NALF1: variants seen among roughly 807,000 people sequenced by gnomAD.
The protein encoded by NALF1 is NALCN channel auxiliary factor 1.
Under a neutral mutation model 48.4 loss-of-function variants are expected in NALF1, and 3 were observed. The observed-to-expected ratio is 0.06, with a 90% CI of 0.03 to 0.16. The LOEUF is 0.16. NALF1 is among the 10% of genes least tolerant of loss of function. The pLI is 1.00. For missense variants in NALF1, 526 were observed against 571.5 expected, an observed-to-expected ratio of 0.92 and a Z score of 0.81; for synonymous variants, 262 against 245.7, an observed-to-expected ratio of 1.07 and a Z score of -0.62.
chr13:107,245,653 T>C (rs1217949317), intron 1 of NALF1, among the ~76,000 whole-genome samples: 1 of 152,248 alleles, frequency 6.6e-6, no homozygotes, highest in South Asian at 2.1e-4. Flanking sequence ...GAAAAAATCA[T>C]ATCGATTAAA....
rs111719535 is a variant in NALF1 at position 107,685,563 on chromosome 13, T to G, written c.915+180119A>C. ...TTAAAAGATTATATAGAAAAACATA[T>G]GTTGGAATTCAAGCACAGAATGCTA... On this transcript the variant is annotated intron_variant, in intron 1 of 2. Transcript: ENST00000375915. Among the ~76,000 whole-genome samples the G allele has an allele frequency of 8.7e-4, 132 of 152,238 alleles. No individual in the cohort carries two copies. In the East Asian group the frequency reaches 0.022, roughly 26 times the overall value.
chr13:107,280,236 T>C (rs1182490680), intron 1 of NALF1, among the ~76,000 whole-genome samples: 1 of 152,204 alleles, frequency 6.6e-6, no homozygotes, highest in Non-Finnish European at 1.5e-5. Context: ...CTTTACTCCA[T>C]AGGGTCCAAC....
chr13:107,419,963 G>C (rs967707668), intron 1 of NALF1, among the ~76,000 whole-genome samples: 3 of 152,142 alleles, frequency 2.0e-5, no homozygotes, highest in Non-Finnish European at 4.4e-5. Context: ...TGAAGACCAA[G>C]CTCGATGGTA....
At chr13:107,456,323 C>T (rs1884824424) in intron 1 of NALF1, among the ~76,000 whole-genome samples, 1 of 152,156 alleles carries the variant, frequency 6.6e-6, no homozygotes, top group African/African-American at 2.4e-5. Context: ...CACAATGCTA[C>T]CTAGATTTAT....
intron 1 of NALF1, among the ~76,000 whole-genome samples, chr13:107,817,147 A>G (rs1879192386): frequency 6.6e-6 from 1 of 152,236 alleles, no homozygotes; most frequent in African/African-American, 2.4e-5. Flanking sequence ...ATGAAAATAG[A>G]AGTAGGTGAG....
chr13:107,183,891 T>C (rs181206086), intron 2 of NALF1, among the ~76,000 whole-genome samples: 2 of 152,246 alleles, frequency 1.3e-5, no homozygotes, highest in African/African-American at 4.8e-5. Context: ...ATACCTAATG[T>C]AGATGACGTT....
At chr13:107,527,114 T>C (rs1219482114) in intron 1 of NALF1, among the ~76,000 whole-genome samples, 1 of 152,144 alleles carries the variant, frequency 6.6e-6, no homozygotes, top group Non-Finnish European at 1.5e-5. Flanking sequence ...GTTTTTTCTA[T>C]TGCCTTAAGT....
chr13:107,245,013 T>A (rs188577229), intron 1 of NALF1, among the ~76,000 whole-genome samples: 22 of 152,298 alleles, frequency 1.4e-4, no homozygotes, highest in Middle Eastern at 6.8e-3. Flanking sequence ...ATTTTTCAAT[T>A]TAACACTAAC....
chr13:107,606,050 CATTTATAT>C (rs1412328811), intron 1 of NALF1, among the ~76,000 whole-genome samples: 9 of 152,286 alleles, frequency 5.9e-5, no homozygotes, highest in Middle Eastern at 3.4e-3. Flanking sequence ...CACAAGTCTT[CATTTATAT>C]ATACAGTGCA....
At chr13:107,476,468 C>T (rs994234736) in intron 1 of NALF1, among the ~76,000 whole-genome samples, 2 of 151,906 alleles carry the variant, frequency 1.3e-5, no homozygotes, top group African/African-American at 4.8e-5. Flanking sequence ...TGTATATAAT[C>T]CTGCCTTTAA....
chr13:107,614,116 T>C (rs1165446174), intron 1 of NALF1, among the ~76,000 whole-genome samples: 3 of 152,222 alleles, frequency 2.0e-5, no homozygotes, highest in Non-Finnish European at 4.4e-5. Context: ...CGCCAGATGT[T>C]AGATGACTTT....
intron 1 of NALF1, among the ~76,000 whole-genome samples, chr13:107,805,668 G>A (rs567437032): frequency 1.3e-5 from 2 of 152,246 alleles, no homozygotes; most frequent in African/African-American, 4.8e-5. Flanking sequence ...TGAGAAATGG[G>A]ATGCTTTATT....
chr13:107,525,070 G>A (rs757070426), intron 1 of NALF1, among the ~76,000 whole-genome samples: 9 of 151,904 alleles, frequency 5.9e-5, no homozygotes, highest in South Asian at 2.1e-4. Context: ...TAGAAAATCC[G>A]GCAAATCTCA....
intron 1 of NALF1, among the ~76,000 whole-genome samples, chr13:107,472,261 G>A (rs182839131): frequency 0.012 from 1,811 of 152,260 alleles, 20 homozygotes; most frequent in South Asian, 0.034. Flanking sequence ...CCTGGGAGGT[G>A]GAGGTTGCAG....
intron 1 of NALF1, among the ~76,000 whole-genome samples, chr13:107,439,547 G>T (rs949571404): frequency 1.3e-5 from 2 of 152,140 alleles, no homozygotes; most frequent in Non-Finnish European, 2.9e-5. Context: ...AAGAAAAAAA[G>T]CCTTATCTAC....
intron 1 of NALF1, among the ~76,000 whole-genome samples, chr13:107,783,158 T>G (rs1412323709): frequency 9.5e-6 from 1 of 105,494 alleles, no homozygotes; most frequent in Non-Finnish European, 2.0e-5. Flanking sequence ...GGAGCCCCTC[T>G]GCCCGGCCAG....
intron 1 of NALF1, among the ~76,000 whole-genome samples, chr13:107,291,429 G>C (rs934770229): frequency 6.6e-6 from 1 of 151,040 alleles, no homozygotes; most frequent in Admixed American, 6.6e-5. Context: ...AAGACACACA[G>C]TTTATTTAGC....
chr13:107,517,148 T>G (rs183920201), intron 1 of NALF1, among the ~76,000 whole-genome samples: 5 of 152,338 alleles, frequency 3.3e-5, no homozygotes, highest in Non-Finnish European at 7.3e-5. Context: ...TATTTTATGA[T>G]ATTTAGCTAA....
At chr13:107,305,282 G>A (rs1881913456) in intron 1 of NALF1, among the ~76,000 whole-genome samples, 1 of 152,088 alleles carries the variant, frequency 6.6e-6, no homozygotes, top group Non-Finnish European at 1.5e-5. Flanking sequence ...CACATAATAA[G>A]TCATAAAATC....
Sources: allele counts gnomAD v4.1 joint callset (sites outside exome capture counted in the v4.1 genomes callset), GRCh38; gene constraint gnomAD v4.1.1; transcripts MANE v1.5; gene names NCBI Gene and HGNC (gene_info 2026-07-23, HGNC 2026-07-21).